The following PPP2CA variants were observed in gnomAD, a reference collection of about 807,000 sequenced individuals.
The protein encoded by PPP2CA is serine/threonine-protein phosphatase 2A catalytic subunit alpha isoform.
Under a neutral mutation model 38.8 loss-of-function variants are expected in PPP2CA, and 5 were observed. The ratio of observed to expected loss-of-function variants is 0.13; its 90% confidence interval spans 0.07 to 0.27. The LOEUF is 0.27. PPP2CA is among the 10% of genes least tolerant of loss of function. The probability of loss-of-function intolerance (pLI) is 1.00; values close to 1 mark genes in which losing one functional copy is unlikely to be tolerated. For missense variants in PPP2CA, 88 were observed against 389.7 expected (o/e 0.23, Z 6.52); for synonymous variants, 152 against 134.0 (o/e 1.13, Z -0.93).
intron 2 of PPP2CA, chr5:134,202,436 C>CTT (rs72357040): frequency 4.8e-4 from 6 of 12,612 alleles, no homozygotes; most frequent in Non-Finnish European, 1.2e-3. Flanking sequence ...CACTGATTTA[C>CTT]TGTCTTGAGT....
chr5:134,225,530 G>T (rs1000277781), intron 1 of PPP2CA: 5 of 477,894 alleles, frequency 1.0e-5, no homozygotes, highest in Admixed American at 4.2e-5. Context: ...CAAAAGCCCA[G>T]GAGTCGAGTG....
At chr5:134,198,466 T>A (rs540378692) in intron 6 of PPP2CA, among the ~76,000 whole-genome samples, 13 of 152,062 alleles carry the variant, frequency 8.5e-5, no homozygotes, top group Non-Finnish European at 1.9e-4. Context: ...CATACGAAGA[T>A]CTATATATAA....
intron 2 of PPP2CA, among the ~76,000 whole-genome samples, chr5:134,202,867 C>T (rs544098241): frequency 1.3e-5 from 2 of 152,280 alleles, no homozygotes; most frequent in East Asian, 1.9e-4. Context: ...GTTTAATCTC[C>T]GGTATTAACC....
intron 1 of PPP2CA, among the ~76,000 whole-genome samples, chr5:134,207,415 CA>C (rs1292364620): frequency 6.6e-6 from 1 of 151,876 alleles, no homozygotes; most frequent in Non-Finnish European, 1.5e-5. Flanking sequence ...AAAACAAAAA[CA>C]AAAACACCAA....
intron 1 of PPP2CA, 123 bp from the exon 2 acceptor site, chr5:134,206,254 T>A: frequency 1.3e-6 from 1 of 773,374 alleles, no homozygotes; most frequent in Non-Finnish European, 2.1e-6. Flanking sequence ...ATTGCAGGCA[T>A]TTATGAACCC....
At chr5:134,217,693 T>C (rs1004251450) in intron 1 of PPP2CA, among the ~76,000 whole-genome samples, 12 of 152,226 alleles carry the variant, frequency 7.9e-5, no homozygotes, top group African/African-American at 2.7e-4. Context: ...ATGTAGAACA[T>C]ATTACTAGCC....
intron 1 of PPP2CA, among the ~76,000 whole-genome samples, chr5:134,212,811 T>C (rs530770478): frequency 1.3e-3 from 196 of 152,322 alleles, no homozygotes; most frequent in African/African-American, 4.2e-3. Flanking sequence ...GACAAAGTTT[T>C]AGTGGTCTGG....
intron 1 of PPP2CA, among the ~76,000 whole-genome samples, chr5:134,212,280 T>A (rs1211982413): frequency 2.6e-5 from 4 of 152,346 alleles, no homozygotes; most frequent in African/African-American, 7.2e-5. Context: ...CCCACCAGCA[T>A]GTGCTCACTT....
At chr5:134,221,508 T>C (rs1053832668) in intron 1 of PPP2CA, among the ~76,000 whole-genome samples, 2 of 152,188 alleles carry the variant, frequency 1.3e-5, no homozygotes, top group African/African-American at 4.8e-5. Context: ...GATCATGATT[T>C]ATACTAAGAA....
chr5:134,209,274 A>AG (rs966371349), intron 1 of PPP2CA, among the ~76,000 whole-genome samples: 11 of 54,074 alleles, frequency 2.0e-4, no homozygotes, highest in Admixed American at 1.1e-3. Flanking sequence ...CTCAGACCGG[A>AG]GGGGGAAAAA....
rs1248081125 is a variant in PPP2CA, at chr5:134,194,665, A to G, written c.*3107T>C. 2.6e-5 allele frequency: 4 copies of G among 152,268 alleles called. No homozygotes were observed. Among genetic ancestry groups the G allele is most frequent in the Admixed American group, 6.5e-5 (1 of 15,268 alleles). The allele number at this position is 152,268 out of a possible 1,614,324, so 9.4% of individuals were successfully genotyped here. ...GCTCTTTTTGCCCAGGCTGGAGTGC[A>G]ATGGCACGATCTGGGCTCACTGTAA... On this transcript the variant is annotated 3_prime_UTR_variant, in exon 7 of 7. Transcript: ENST00000481195.
At chr5:134,214,386 T>C (rs1762274975) in intron 1 of PPP2CA, among the ~76,000 whole-genome samples, 1 of 152,248 alleles carries the variant, frequency 6.6e-6, no homozygotes, top group Non-Finnish European at 1.5e-5. Context: ...CCTATACGTG[T>C]ACAGTATTAT....
chr5:134,213,031 A>G (rs1457680992), intron 1 of PPP2CA, among the ~76,000 whole-genome samples: 1 of 149,560 alleles, frequency 6.7e-6, no homozygotes, highest in African/African-American at 2.6e-5. Flanking sequence ...AAAAACTACA[A>G]CAAGTTTCCC....
rs565381797 is a variant in PPP2CA, at chr5:134,207,420, A to G, written c.103-1289T>C. Among the ~76,000 whole-genome samples, 85 of 152,226 alleles carry G rather than the reference A, an allele frequency of 5.6e-4. No individual in the cohort carries two copies. The Middle Eastern group carries it at 0.014, about 24-fold the overall frequency. ...ACTCTGTCTCAAAACAAAAACAAAA[A>G]CACCAATGCCCATTCCTTCCCCTAA... On this transcript the variant is annotated intron_variant, in intron 1 of 6. Coordinates refer to ENST00000481195, the MANE Select transcript of PPP2CA (RefSeq NM_002715.4).
At chr5:134,216,343 C>G (rs1483740971) in intron 1 of PPP2CA, among the ~76,000 whole-genome samples, 4 of 151,518 alleles carry the variant, frequency 2.6e-5, no homozygotes, top group African/African-American at 9.7e-5. Flanking sequence ...TTGAGAACAG[C>G]CTGGGCAACA....
At chr5:134,223,531 T>C (rs1762492873) in intron 1 of PPP2CA, among the ~76,000 whole-genome samples, 1 of 152,236 alleles carries the variant, frequency 6.6e-6, no homozygotes. Context: ...ATATAACACC[T>C]ACTCTCAAAT....
chr5:134,211,525 G>T (rs73286503), intron 1 of PPP2CA, among the ~76,000 whole-genome samples: 14,663 of 149,572 alleles, frequency 0.098, 884 homozygotes, highest in Admixed American at 0.16. Context: ...TGCGCGGGCT[G>T]GAGTGCAATG....
intron 2 of PPP2CA, 50 bp downstream of exon 2, chr5:134,205,872 G>C: frequency 2.7e-6 from 4 of 1,500,992 alleles, no homozygotes; most frequent in Non-Finnish European, 3.7e-6. Context: ...AAACTTTCAA[G>C]AGGACTGTCT....
chr5:134,210,211 C>T (rs1561739190), intron 1 of PPP2CA, among the ~76,000 whole-genome samples: 2 of 152,174 alleles, frequency 1.3e-5, no homozygotes, highest in African/African-American at 4.8e-5. Context: ...CTTTATGGAT[C>T]ACCTCCAGAG....
Sources: gnomAD v4.1 joint callset for allele counts (sites outside exome capture counted in the v4.1 genomes callset) on GRCh38, gnomAD v4.1.1 for gene constraint, MANE v1.5 for transcripts, NCBI Gene and HGNC (gene_info 2026-07-23, HGNC 2026-07-21) for gene names.